Variants in TDRD9 observed in about 807,000 individuals in gnomAD.
TDRD9 encodes the protein tudor domain containing 9, also known as ATP-dependent RNA helicase TDRD9.
In TDRD9, 124 loss-of-function variants were observed where a neutral mutation model predicts 172.6. That is an observed-to-expected ratio of 0.72 (90% CI 0.62 to 0.83). TDRD9 has a LOEUF of 0.83. TDRD9 is among the 40% of genes least tolerant of loss of function. TDRD9 has a pLI of 0.00. For missense variants in TDRD9, 1,479 were observed against 1,714.1 expected, an observed-to-expected ratio of 0.86 and a Z score of 2.42; for synonymous variants, 619 against 617.1, an observed-to-expected ratio of 1.00 and a Z score of -0.05.
At chr14:103,947,007 T>A (rs527243384) in intron 1 of TDRD9, among the ~76,000 whole-genome samples, 35 of 150,186 alleles carry the variant, frequency 2.3e-4, no homozygotes, top group Non-Finnish European at 4.6e-4. Flanking sequence ...AAAATCCTAA[T>A]GACTTTTTTT....
At chr14:103,934,546 A>T (rs568754851) in intron 1 of TDRD9, among the ~76,000 whole-genome samples, 1 of 152,324 alleles carries the variant, frequency 6.6e-6, no homozygotes, top group Non-Finnish European at 1.5e-5. Flanking sequence ...TGGGAGGCCG[A>T]GGCGGGTGGA....
chr14:103,987,155 CA>C lies in TDRD9; in HGVS notation c.1115+836del, dbSNP rs1421466118. ...ACACACACACACACACACACACACA[CA>C]CACACACCATATGATTGAGCCTTTA... On this transcript the variant is annotated intron_variant, in intron 8 of 35. Coordinates refer to ENST00000409874, the MANE Select transcript of TDRD9 (RefSeq NM_153046.3). 2.8e-3 allele frequency among the ~76,000 whole-genome samples: 422 copies of C among 151,900 alleles called. 3 individuals are homozygous for C. Among genetic ancestry groups the C allele is most frequent in the African/African-American group, 9.7e-3 (401 of 41,394 alleles).
chr14:103,966,920 T>C, intron 5 of TDRD9, 89 bp downstream of exon 5: 1 of 1,201,898 alleles, frequency 8.3e-7, no homozygotes, highest in Non-Finnish European at 1.1e-6. Context: ...TGTGCCTGTC[T>C]CAGCTTTCTT....
Position 103,986,279 on chromosome 14 carries a change from T to A in TDRD9, c.1074T>A (p.Ser358=), listed in dbSNP as rs747216441. ...AGGATATATATGAAGTTGCTGTCTCTCTCATTCAGATGTTTGATGACTTGG... is the reference window on the plus strand; with the variant it reads ...AGGATATATATGAAGTTGCTGTCTCACTCATTCAGATGTTTGATGACTTGG... The part of the protein sequence containing the change: ...ITKDIYEVAV[S]LIQMFDDLDM... The change falls in exon 8 of 36, where the codon TCT becomes TCA. Residue 358 remains serine (S), a synonymous_variant. Transcript: ENST00000409874. 3.1e-6 allele frequency: 5 copies of A among 1,613,330 alleles called. No homozygotes were observed. Among genetic ancestry groups the A allele is most frequent in the Non-Finnish European group, 4.2e-6 (5 of 1,179,566 alleles).
At chr14:104,037,326 C>T (rs2035480793) in intron 32 of TDRD9, among the ~76,000 whole-genome samples, 1 of 152,196 alleles carries the variant, frequency 6.6e-6, no homozygotes, top group Admixed American at 6.5e-5. Context: ...CTCTAATGCG[C>T]ACCCGCATGG....
intron 8 of TDRD9, among the ~76,000 whole-genome samples, chr14:103,989,042 T>G (rs978673922): frequency 6.0e-5 from 9 of 150,442 alleles, no homozygotes; most frequent in Non-Finnish European, 1.0e-4. Flanking sequence ...GTATTTCTAG[T>G]AAGGTGGGTC....
At chr14:103,979,971 G>T (rs777898665) in intron 7 of TDRD9, among the ~76,000 whole-genome samples, 1 of 151,478 alleles carries the variant, frequency 6.6e-6, no homozygotes, top group Non-Finnish European at 1.5e-5. Flanking sequence ...GAACTCCTTG[G>T]CTCAAGAGAT....
chr14:103,982,396 T>TGCAATA (rs2033508173), intron 7 of TDRD9, among the ~76,000 whole-genome samples: 1 of 152,198 alleles, frequency 6.6e-6, no homozygotes, highest in Admixed American at 6.5e-5. Context: ...CCAGGGTCCC[T>TGCAATA]AGTGACCTCC....
At chr14:103,954,831 G>A (rs2032116870) in intron 1 of TDRD9, among the ~76,000 whole-genome samples, 1 of 152,170 alleles carries the variant, frequency 6.6e-6, no homozygotes, top group Non-Finnish European at 1.5e-5. Flanking sequence ...GTTTCACCAT[G>A]TTGGCCAGGC....
intron 7 of TDRD9, 57 bp downstream of exon 7, chr14:103,975,610 C>G (rs992668162): frequency 6.7e-7 from 1 of 1,489,140 alleles, no homozygotes; most frequent in African/African-American, 1.4e-5. Context: ...TTGGATCAAA[C>G]CTGCATTCAT....
At chr14:103,951,848 G>A (rs1276661543) in intron 1 of TDRD9, among the ~76,000 whole-genome samples, 1 of 151,402 alleles carries the variant, frequency 6.6e-6, no homozygotes, top group African/African-American at 2.4e-5. Context: ...CTCACTGCAA[G>A]CTCCGCCTCC....
intron 13 of TDRD9, among the ~76,000 whole-genome samples, chr14:104,003,879 T>C (rs963317968): frequency 1.3e-5 from 2 of 152,168 alleles, no homozygotes; most frequent in African/African-American, 2.4e-5. Context: ...GACTTTCTGT[T>C]ATGTACTGTG....
intron 21 of TDRD9, among the ~76,000 whole-genome samples, chr14:104,015,354 T>C (rs892698323): frequency 6.6e-6 from 1 of 152,218 alleles, no homozygotes; most frequent in Non-Finnish European, 1.5e-5. Flanking sequence ...CTAGAAGGGT[T>C]GGCTGATGCA....
chr14:104,036,026 T>C (rs1163759591), intron 32 of TDRD9, among the ~76,000 whole-genome samples: 3 of 152,160 alleles, frequency 2.0e-5, no homozygotes, highest in Non-Finnish European at 4.4e-5. Context: ...CATTAAAATA[T>C]GTGCTACTTA....
chr14:104,008,413 G>A lies in TDRD9; in HGVS notation c.2053G>A (p.Asp685Asn), dbSNP rs2034512383. The A allele has an allele frequency of 2.0e-6, 3 of 1,508,840 alleles. No individual in the cohort carries two copies. In the African/African-American group the frequency reaches 4.1e-5, roughly 21 times the overall value. 93.5% of individuals were successfully genotyped at this position (1,508,840 alleles called of 1,614,324 possible). A position where few individuals can be genotyped will look rare whatever the true frequency, so the allele number is the denominator to read the frequency against. The change falls in exon 20 of 36, where the codon GAT becomes AAT. Residue 685 changes from aspartate to asparagine, a missense_variant and splice_region_variant. Around this residue, in one of 3 missense-constraint regions of TDRD9, gnomAD observed 1,413 missense variants for 1,649.1 expected, o/e 0.86. Coordinates refer to ENST00000409874, the MANE Select transcript of TDRD9 (RefSeq NM_153046.3). The part of the protein sequence containing the change: ...RQTGELRYPK[D>N]ELNWGRLNYI... The stretch of plus-strand genomic sequence containing the variant: ...GTATTCTGCTTTTATATATTTAAAG[G>A]ATGAACTTAATTGGGGACGGTTAAA...
At chr14:104,033,893 G>A (rs2152254914) in intron 30 of TDRD9, 67 bp from the exon 31 acceptor site, 1 of 975,248 alleles carries the variant, frequency 1.0e-6, no homozygotes, top group South Asian at 1.4e-5. Flanking sequence ...GTTGCTTGTG[G>A]GTTGGCATAG....
rs1566796397 is a variant in TDRD9 at position 104,032,205 on chromosome 14, CTT to C, written c.3509+121_3509+122del. 1.1e-4 allele frequency: 73 copies of C among 639,730 alleles called. 1 individual carries two copies. Among genetic ancestry groups the C allele is most frequent in the South Asian group, 7.4e-4 (30 of 40,552 alleles). The allele number at this position is 639,730 out of a possible 1,614,324, so 39.6% of individuals were successfully genotyped here. ...GTTGGAATGTGTTATCTTTTCTTTTCTTTTCTTTTCTTTTTTTTTGAGACAGA... is the reference window on the plus strand; with the variant it reads ...GTTGGAATGTGTTATCTTTTCTTTTCTTCTTTTCTTTTTTTTTGAGACAGA... On this transcript the variant is annotated intron_variant, in intron 30 of 35. Coordinates refer to ENST00000409874, the MANE Select transcript of TDRD9 (RefSeq NM_153046.3).
chr14:104,051,977 T>G lies in TDRD9; in HGVS notation c.4048-4T>G. ...CTGACTGGTCCGCTTGTCTACCCCA[T>G]TAGGTTGATCCAAAGCTGGTCATGG... On this transcript the variant is annotated splice_polypyrimidine_tract_variant and splice_region_variant and intron_variant, in intron 35 of 35. Transcript: ENST00000409874. 6.3e-7 allele frequency: 1 copy of G among 1,584,170 alleles called. No individual in the cohort carries two copies. Among genetic ancestry groups the G allele is most frequent in the Non-Finnish European group, 8.6e-7 (1 of 1,164,174 alleles).
At chr14:104,046,882 G>A (rs571215407) in intron 34 of TDRD9, among the ~76,000 whole-genome samples, 8 of 152,232 alleles carry the variant, frequency 5.3e-5, no homozygotes, top group African/African-American at 1.7e-4. Context: ...TCCTGACTTT[G>A]TGATCCGCCC....
Sources: gnomAD v4.1 joint callset for allele counts (sites outside exome capture counted in the v4.1 genomes callset) on GRCh38, gnomAD v4.1.1 for gene constraint, gnomAD v4.1.1 regional missense constraint, MANE v1.5 for transcripts, NCBI Gene and HGNC (gene_info 2026-07-23, HGNC 2026-07-21) for gene names.